Variants in NBDY observed in about 807,000 individuals in gnomAD.
The protein encoded by NBDY is negative regulator of P-body association.
intron 2 of NBDY, among the ~76,000 whole-genome samples, chrX:56,803,606 A>C (rs17317133): frequency 0.011 from 1,175 of 110,624 alleles, 10 homozygotes; most frequent in Middle Eastern, 0.028. Flanking sequence ...CAAAGGTTTA[A>C]AACCGCGATG....
intron 2 of NBDY, among the ~76,000 whole-genome samples, chrX:56,735,641 T>C (rs1264784360): frequency 8.9e-6 from 1 of 112,138 alleles, no homozygotes; most frequent in Admixed American, 9.4e-5. Flanking sequence ...CTAGTCTCCT[T>C]GTAATTGTGC....
intron 2 of NBDY, among the ~76,000 whole-genome samples, chrX:56,781,179 A>G (rs941310972): frequency 9.0e-6 from 1 of 111,701 alleles, no homozygotes; most frequent in African/African-American, 3.3e-5. Flanking sequence ...CTGTGGTTGC[A>G]TAGGTCCTCA....
At chrX:56,784,659 T>G (rs2069716344) in intron 2 of NBDY, among the ~76,000 whole-genome samples, 1 of 111,165 alleles carries the variant, frequency 9.0e-6, no homozygotes, top group Non-Finnish European at 1.9e-5. Flanking sequence ...CTGGAATGTG[T>G]TGGGTGGGAT....
At chrX:56,813,383 C>T (rs981053415) in intron 2 of NBDY, among the ~76,000 whole-genome samples, 2 of 110,762 alleles carry the variant, frequency 1.8e-5, no homozygotes, top group Non-Finnish European at 3.8e-5. Flanking sequence ...AACACAACAG[C>T]GATCCACATT....
chrX:56,793,112 G>A (rs756381998), intron 2 of NBDY, among the ~76,000 whole-genome samples: 3 of 111,834 alleles, frequency 2.7e-5, no homozygotes, highest in South Asian at 3.7e-4. Context: ...GGGAGACTCC[G>A]GGATTCTGGT....
chrX:56,801,880 C>T (rs756368626), intron 2 of NBDY, among the ~76,000 whole-genome samples: 2 of 110,001 alleles, frequency 1.8e-5, no homozygotes, highest in Non-Finnish European at 3.8e-5. Context: ...AGGGAAACCC[C>T]GACAACCACA....
chrX:56,810,874 CA>C (rs1212478337), intron 2 of NBDY: 1 of 111,774 alleles, frequency 8.9e-6, no homozygotes. Flanking sequence ...GGTTTCTCCC[CA>C]TCTTCATGGA....
intron 2 of NBDY, among the ~76,000 whole-genome samples, chrX:56,742,646 GT>G (rs2069537184): frequency 8.9e-6 from 1 of 111,757 alleles, no homozygotes; most frequent in Non-Finnish European, 1.9e-5. Flanking sequence ...ATGTTGGCAT[GT>G]GGAAATGCTA....
intron 2 of NBDY, among the ~76,000 whole-genome samples, chrX:56,786,017 A>G (rs772612513): frequency 2.7e-5 from 3 of 111,514 alleles, no homozygotes; most frequent in Admixed American, 1.9e-4. Flanking sequence ...CCCCGTGAGG[A>G]AAAATTGGCA....
At chrX:56,791,074 G>T (rs2069759905) in intron 2 of NBDY, among the ~76,000 whole-genome samples, 1 of 112,128 alleles carries the variant, frequency 8.9e-6, no homozygotes, top group African/African-American at 3.2e-5. Context: ...GTCCACCTGA[G>T]GCACTCTGCA....
chrX:56,814,659 A>AT (rs1406867285), intron 2 of NBDY, among the ~76,000 whole-genome samples: 1 of 109,688 alleles, frequency 9.1e-6, no homozygotes, highest in Non-Finnish European at 1.9e-5. Context: ...TGCCCAGCTG[A>AT]TTTTTTGGTA....
At chrX:56,763,220 TAG>T (rs1198659674) in intron 2 of NBDY, among the ~76,000 whole-genome samples, 1 of 112,218 alleles carries the variant, frequency 8.9e-6, no homozygotes, top group Non-Finnish European at 1.9e-5. Context: ...CACTTTGTGT[TAG>T]AGACAGAGAG....
chrX:56,745,352 T>C (rs2146716221), intron 2 of NBDY, among the ~76,000 whole-genome samples: 1 of 111,042 alleles, frequency 9.0e-6, no homozygotes, highest in African/African-American at 3.3e-5. Flanking sequence ...GGGACCACTT[T>C]AGATTCATCA....
intron 2 of NBDY, among the ~76,000 whole-genome samples, chrX:56,794,137 A>G (rs1194440457): frequency 8.9e-6 from 1 of 112,061 alleles, no homozygotes; most frequent in Non-Finnish European, 1.9e-5. Flanking sequence ...TGCTTCTCCA[A>G]GGGGTCCCAA....
intron 2 of NBDY, among the ~76,000 whole-genome samples, chrX:56,781,792 G>A (rs987927574): frequency 1.8e-5 from 2 of 111,957 alleles, no homozygotes; most frequent in Non-Finnish European, 3.8e-5. Flanking sequence ...GGAGAAGTTG[G>A]CATTTCCTTA....
At chrX:56,752,817 G>A (rs931610228) in intron 2 of NBDY, among the ~76,000 whole-genome samples, 16 of 110,202 alleles carry the variant, frequency 1.5e-4, no homozygotes, top group African/African-American at 5.3e-4. Flanking sequence ...CACCATGATG[G>A]CCAAGCTGGT....
intron 2 of NBDY, among the ~76,000 whole-genome samples, chrX:56,766,888 G>C (rs183982313): frequency 8.9e-6 from 1 of 112,554 alleles, no homozygotes; most frequent in Non-Finnish European, 1.9e-5. Context: ...TGTGAAAGCC[G>C]AGACAGCCTG....
At chrX:56,739,661 G>A (rs1309495889) in intron 2 of NBDY, among the ~76,000 whole-genome samples, 2 of 110,453 alleles carry the variant, frequency 1.8e-5, no homozygotes, top group Non-Finnish European at 3.8e-5. Context: ...TCATAATGGT[G>A]GTACATGATG....
chrX:56,809,630 T>G (rs977559493), intron 2 of NBDY, among the ~76,000 whole-genome samples: 26 of 112,181 alleles, frequency 2.3e-4, no homozygotes, highest in Admixed American at 2.2e-3. Flanking sequence ...CCATCTCTTT[T>G]GTTGAGCCTG....
Sources: gnomAD v4.1 joint callset for allele counts (sites outside exome capture counted in the v4.1 genomes callset) on GRCh38, gnomAD v4.1.1 for gene constraint, MANE v1.5 for transcripts, NCBI Gene and HGNC (gene_info 2026-07-23, HGNC 2026-07-21) for gene names.